Variants in CDH18 observed in about 807,000 individuals in gnomAD.
CDH18 encodes cadherin-18.
In CDH18, 31 loss-of-function variants were observed where a neutral mutation model predicts 67.9. The ratio of observed to expected loss-of-function variants is 0.46; its 90% confidence interval spans 0.34 to 0.62. The LOEUF is 0.62. Among genes scored for constraint, CDH18 ranks in the 20% least tolerant of loss-of-function variants. CDH18 has a pLI of 0.01. For missense variants in CDH18, 890 were observed against 975.5 expected, an observed-to-expected ratio of 0.91 and a Z score of 1.17; for synonymous variants, 362 against 347.2, an observed-to-expected ratio of 1.04 and a Z score of -0.48.
intron 1 of CDH18, among the ~76,000 whole-genome samples, chr5:20,364,318 G>A (rs1212376904): frequency 6.7e-6 from 1 of 148,874 alleles, no homozygotes; most frequent in Non-Finnish European, 1.5e-5. Context: ...AACCTAAAAA[G>A]GTTTACATAA....
At chr5:19,969,195 C>T (rs1334962766) in intron 2 of CDH18, among the ~76,000 whole-genome samples, 1 of 148,374 alleles carries the variant, frequency 6.7e-6, no homozygotes, top group Non-Finnish European at 1.5e-5. Context: ...CAGGAAAGAA[C>T]AGGTGCTGGA....
At position 20,555,408 on chromosome 5, in the gene CDH18, C is replaced by CTTTTTTTTTTTTTTTTTTTTTTTTTTT. The variant is rs774396694; in HGVS notation, c.-580+20027_-580+20053dup. 1.7e-4 allele frequency among the ~76,000 whole-genome samples: 18 copies of CTTTTTTTTTTTTTTTTTTTTTTTTTTT among 103,652 alleles called. 1 individual carries two copies. Among genetic ancestry groups the CTTTTTTTTTTTTTTTTTTTTTTTTTTT allele is most frequent in the African/African-American group, 3.3e-4 (8 of 24,368 alleles). 68.0% of individuals were successfully genotyped at this position (103,652 alleles called of 152,430 possible). ...GCCAGAACCACCAAGACAAGCTTTTCTTTTTTTTTTTTTTTTTTTTTTTTT... is the reference window on the plus strand; with the variant it reads ...GCCAGAACCACCAAGACAAGCTTTTCTTTTTTTTTTTTTTTTTTTTTTTTTTTTTTTTTTTTTTTTTTTTTTTTTTTT... On this transcript the variant is annotated intron_variant, in intron 1 of 14. Transcript: ENST00000507958.
chr5:19,933,272 CT>C lies in CDH18; in HGVS notation c.-257+47787del, dbSNP rs139770668. Among the ~76,000 whole-genome samples the C allele has an allele frequency of 7.1e-3, 1,072 of 151,536 alleles. 12 individuals carry two copies. The highest frequency in any genetic ancestry group is 0.025 in the African/African-American group (1,020 of 41,442). ...TTACACCTCCTCTAGTATTATCTGC[CT>C]TTTTCCTCTTTTAAAAATTTACCAG... On this transcript the variant is annotated intron_variant, in intron 2 of 12. Transcript: ENST00000382275.
At chr5:19,564,463 G>T (rs1385574607) in intron 8 of CDH18, among the ~76,000 whole-genome samples, 1 of 152,056 alleles carries the variant, frequency 6.6e-6, no homozygotes, top group Non-Finnish European at 1.5e-5. Flanking sequence ...GATACACCTG[G>T]GCCAGAAGGG....
At chr5:20,398,207 TTA>T (rs1288072722) in intron 1 of CDH18, among the ~76,000 whole-genome samples, 5 of 152,192 alleles carry the variant, frequency 3.3e-5, no homozygotes, top group East Asian at 3.8e-4. Flanking sequence ...TTTTAAATTA[TTA>T]TGTTTTCTAA....
intron 5 of CDH18, among the ~76,000 whole-genome samples, chr5:19,696,877 A>C (rs986171088): frequency 1.2e-4 from 19 of 152,154 alleles, no homozygotes; most frequent in Non-Finnish European, 2.9e-5. Flanking sequence ...AGTTCATTTG[A>C]ATAACTGTGA....
intron 10 of CDH18, among the ~76,000 whole-genome samples, chr5:19,507,428 T>C (rs1466227327): frequency 6.6e-6 from 1 of 152,128 alleles, no homozygotes; most frequent in East Asian, 1.9e-4. Context: ...GGATTATAAA[T>C]CATGCTGCTA....
intron 1 of CDH18, among the ~76,000 whole-genome samples, chr5:20,377,456 A>G (rs1430804588): frequency 6.6e-6 from 1 of 152,198 alleles, no homozygotes; most frequent in Admixed American, 6.5e-5. Flanking sequence ...TCCCTTATAC[A>G]CTAGTTAATT....
chr5:19,854,188 A>G (rs555370032), intron 2 of CDH18, among the ~76,000 whole-genome samples: 2 of 152,102 alleles, frequency 1.3e-5, no homozygotes, highest in South Asian at 2.1e-4. Flanking sequence ...CTCATGAGAC[A>G]TGGATGTTAG....
intron 2 of CDH18, among the ~76,000 whole-genome samples, chr5:20,074,663 T>C (rs1580178985): frequency 6.6e-6 from 1 of 152,080 alleles, no homozygotes; most frequent in Admixed American, 6.5e-5. Context: ...AGTAGAAATA[T>C]GAATGACCTT....
chr5:19,794,043 T>C (rs1776619734), intron 3 of CDH18, among the ~76,000 whole-genome samples: 2 of 152,142 alleles, frequency 1.3e-5, no homozygotes, highest in African/African-American at 4.8e-5. Context: ...ATAATTAATA[T>C]CCTCTCTAAA....
chr5:20,336,724 CAAAAAAAAAAAAAAAAAAAAA>C (rs59083214), intron 1 of CDH18, among the ~76,000 whole-genome samples: 1 of 63,472 alleles, frequency 1.6e-5, no homozygotes, highest in Non-Finnish European at 2.8e-5. Context: ...GCCTCTGTCT[CAAAAAAAAAAAAAAAAAAAAA>C]AAAAAAAAAA....
At chr5:20,565,579 T>C (rs1469844815) in intron 1 of CDH18, among the ~76,000 whole-genome samples, 1 of 152,018 alleles carries the variant, frequency 6.6e-6, no homozygotes, top group Admixed American at 6.6e-5. Context: ...AATTGGTGCT[T>C]GAAATATTCT....
At position 19,483,301 on chromosome 5, in the gene CDH18, C is replaced by T. The variant is rs765559048; in HGVS notation, c.1882G>A (p.Ala628Thr). The T allele has an allele frequency of 1.2e-6, 2 of 1,611,090 alleles. No homozygotes were observed. The highest frequency in any genetic ancestry group is 2.2e-5 in the East Asian group (1 of 44,838). The change falls in exon 12 of 13, where the codon GCA (alanine) becomes ACA (threonine). Residue 628 changes from alanine (A) to threonine (T), a missense_variant and splice_region_variant. Physicochemically the swap from Ala to Thr is moderately conservative, Grantham distance 58. Transcript: ENST00000382275. ...AILLCVLILLAIVVLFITLRR... is the reference protein window; with the variant it reads ...AILLCVLILLTIVVLFITLRR... ...AAACTTAGGGTTTAGAATGACTTAC[C>T]CAGGAGAATGAGAACACAGAGAAGA...
chr5:19,482,592 G>A (rs1739649405), intron 12 of CDH18, among the ~76,000 whole-genome samples: 1 of 151,892 alleles, frequency 6.6e-6, no homozygotes, highest in East Asian at 1.9e-4. Flanking sequence ...TTTCAGATTC[G>A]TTTTGTTTTA....
intron 5 of CDH18, among the ~76,000 whole-genome samples, chr5:19,621,469 C>A (rs1326986933): frequency 6.6e-6 from 1 of 152,092 alleles, no homozygotes; most frequent in Non-Finnish European, 1.5e-5. Context: ...CTGTTGTCCA[C>A]ATCCAATAGA....
intron 1 of CDH18, among the ~76,000 whole-genome samples, chr5:20,262,011 T>C (rs980882354): frequency 6.6e-6 from 1 of 152,168 alleles, no homozygotes; most frequent in Non-Finnish European, 1.5e-5. Flanking sequence ...AAAATGATAA[T>C]TCAGATTGTA....
chr5:20,512,896 A>C lies in CDH18; in HGVS notation c.-580+62566T>G, dbSNP rs112973279. 7.2e-5 allele frequency among the ~76,000 whole-genome samples: 11 copies of C among 151,840 alleles called. No homozygotes were observed. In the East Asian group the frequency reaches 2.1e-3, roughly 30 times the overall value. On this transcript the variant is annotated intron_variant, in intron 1 of 14. Coordinates refer to the CDH18 transcript ENST00000507958. ...AAGACTCTGTCTCCAAAAAAAAAAAAAAAAATCGACTCAGCTCTGATGCTT... is the reference window on the plus strand; with the variant it reads ...AAGACTCTGTCTCCAAAAAAAAAAACAAAAATCGACTCAGCTCTGATGCTT...
intron 1 of CDH18, among the ~76,000 whole-genome samples, chr5:20,360,358 A>G (rs912669296): frequency 6.6e-6 from 1 of 152,110 alleles, no homozygotes; most frequent in Non-Finnish European, 1.5e-5. Flanking sequence ...ATGCTGGCAC[A>G]GTTTTTCTGA....
Sources: allele counts gnomAD v4.1 joint callset (sites outside exome capture counted in the v4.1 genomes callset), GRCh38; gene constraint gnomAD v4.1.1; transcripts MANE v1.5; gene names NCBI Gene and HGNC (gene_info 2026-07-23, HGNC 2026-07-21).